PRKN: variants seen among roughly 807,000 people sequenced by gnomAD.
The protein encoded by PRKN is parkin RBR E3 ubiquitin protein ligase, also known as E3 ubiquitin-protein ligase parkin.
In PRKN, 56 loss-of-function variants were observed where a neutral mutation model predicts 59.5. The ratio of observed to expected loss-of-function variants is 0.94; its 90% CI spans 0.76 to 1.18. The LOEUF is 1.18. Ranked by LOEUF, PRKN falls within the 50% of genes most tolerant of loss-of-function variation. The pLI is 0.00. For missense variants in PRKN, 657 were observed against 596.4 expected, an observed-to-expected ratio of 1.10 and a Z score of -1.06; for synonymous variants, 250 against 222.1, an observed-to-expected ratio of 1.13 and a Z score of -1.12.
intron 10 of PRKN, among the ~76,000 whole-genome samples, chr6:161,384,851 G>C (rs1786157768): frequency 6.6e-6 from 1 of 152,164 alleles, no homozygotes. Flanking sequence ...GCATATTACT[G>C]TAATTACGAT....
chr6:162,711,470 A>C (rs940064537), intron 1 of PRKN, among the ~76,000 whole-genome samples: 1 of 151,408 alleles, frequency 6.6e-6, no homozygotes, highest in Non-Finnish European at 1.5e-5. Context: ...CTGGCCCTGA[A>C]CTATTCCGCT....
chr6:161,947,090 ATC>A (rs769515298), intron 6 of PRKN, among the ~76,000 whole-genome samples: 12 of 152,214 alleles, frequency 7.9e-5, no homozygotes, highest in Non-Finnish European at 1.2e-4. Context: ...GTGCTTATAC[ATC>A]TGTTTATGTG....
chr6:162,715,446 C>T (rs1438457495), intron 1 of PRKN, among the ~76,000 whole-genome samples: 1 of 152,188 alleles, frequency 6.6e-6, no homozygotes, highest in African/African-American at 2.4e-5. Context: ...CTGAAGTACA[C>T]AAACCTTTTG....
chr6:161,517,890 A>G (rs1234891160), intron 9 of PRKN, among the ~76,000 whole-genome samples: 3 of 152,148 alleles, frequency 2.0e-5, no homozygotes, highest in Admixed American at 2.0e-4. Context: ...CCATTTGGAA[A>G]AAGCTGGTGA....
At chr6:162,235,816 A>G (rs1324223574) in intron 3 of PRKN, among the ~76,000 whole-genome samples, 3 of 150,892 alleles carry the variant, frequency 2.0e-5, no homozygotes, top group Non-Finnish European at 2.9e-5. Context: ...GAAAGAAAGA[A>G]AGAAAGAGAG....
At chr6:161,967,110 G>A (rs772146134) in intron 6 of PRKN, among the ~76,000 whole-genome samples, 3 of 152,288 alleles carry the variant, frequency 2.0e-5, no homozygotes, top group Middle Eastern at 6.8e-3. Flanking sequence ...GATTACAGGC[G>A]TGAGCCACTG....
intron 5 of PRKN, among the ~76,000 whole-genome samples, chr6:161,979,739 C>T (rs1036323435): frequency 1.3e-5 from 2 of 152,114 alleles, no homozygotes; most frequent in East Asian, 1.9e-4. Flanking sequence ...TCCTCACTGT[C>T]GAAGCCTGAC....
chr6:162,074,404 C>T (rs1171039371), intron 4 of PRKN, among the ~76,000 whole-genome samples: 2 of 143,246 alleles, frequency 1.4e-5, no homozygotes, highest in Non-Finnish European at 3.0e-5. Flanking sequence ...ACCACATATT[C>T]TCACTCATAG....
chr6:161,513,001 A>G (rs1353064435), intron 9 of PRKN, among the ~76,000 whole-genome samples: 1 of 152,184 alleles, frequency 6.6e-6, no homozygotes, highest in African/African-American at 2.4e-5. Flanking sequence ...TGCCTCTCAG[A>G]GAAATGCCCA....
intron 1 of PRKN, among the ~76,000 whole-genome samples, chr6:162,677,395 T>G (rs1482469103): frequency 1.4e-5 from 2 of 147,888 alleles, no homozygotes; most frequent in Non-Finnish European, 3.0e-5. Flanking sequence ...AAGATTCACT[T>G]CCAGGTACTT....
chr6:161,557,473 C>G (rs1467436366), intron 8 of PRKN, among the ~76,000 whole-genome samples: 2 of 152,082 alleles, frequency 1.3e-5, no homozygotes, highest in Non-Finnish European at 2.9e-5. Context: ...GTGAACTTCC[C>G]CTTTCTTGCT....
chr6:162,332,876 T>C (rs1295419170), intron 2 of PRKN, among the ~76,000 whole-genome samples: 1 of 152,080 alleles, frequency 6.6e-6, no homozygotes, highest in African/African-American at 2.4e-5. Context: ...ATGAAGGCCA[T>C]TATGCCAAGG....
rs531868362 is a variant in PRKN at position 161,385,069 on chromosome 6, A to G, written c.1167+1725T>C. Among the ~76,000 whole-genome samples the G allele has an allele frequency of 6.6e-6, 1 of 152,232 alleles. No individual in the cohort carries two copies. The highest frequency in any genetic ancestry group is 6.5e-5 in the Admixed American group (1 of 15,290). ...CTCAGCCTCCTGAATAGCTGGGATTACAGGTGCACGCCACCACACCCAGCT... is the reference window on the plus strand; with the variant it reads ...CTCAGCCTCCTGAATAGCTGGGATTGCAGGTGCACGCCACCACACCCAGCT... On this transcript the variant is annotated intron_variant, in intron 10 of 11. Coordinates refer to ENST00000366898, the MANE Select transcript of PRKN (RefSeq NM_004562.3). The surrounding 1 kb of genome is among the most constrained non-coding windows in gnomAD (Gnocchi z 4.9).
rs73783416 is a variant in PRKN, at chr6:162,116,594, C to T, written c.535-62420G>A. ...GTACATTAGATCCTGTATACGTTTA[C>T]GCTGCACATTTAGATTGAGTGTGTA... On this transcript the variant is annotated intron_variant, in intron 4 of 11. Transcript: ENST00000366898. Among the ~76,000 whole-genome samples the T allele has an allele frequency of 5.5e-3, 839 of 152,262 alleles. 11 individuals carry two copies. Among genetic ancestry groups the T allele is most frequent in the African/African-American group, 0.019 (785 of 41,538 alleles).
Position 161,409,602 on chromosome 6 carries a change from A to G in PRKN, c.1084-22725T>C, listed in dbSNP as rs1475782618. 6.6e-6 allele frequency among the ~76,000 whole-genome samples: 1 copy of G among 152,184 alleles called. No homozygotes were observed. The highest frequency in any genetic ancestry group is 1.5e-5 in the Non-Finnish European group (1 of 68,042). ...GCCAGAATGTTCAGTGGAATCACAT[A>G]AGGCCGTCACTATAAAAATGAAAGC... On this transcript the variant is annotated intron_variant, in intron 9 of 11. Coordinates refer to ENST00000366898, the MANE Select transcript of PRKN (RefSeq NM_004562.3). The surrounding 1 kb of genome is among the most constrained non-coding windows in gnomAD (Gnocchi z 4.6).
In PRKN at chr6:162,468,402, T is replaced by C. The variant is rs542784439; in HGVS notation, c.8-24929A>G. On this transcript the variant is annotated intron_variant, in intron 1 of 11. Transcript: ENST00000366898. The stretch of plus-strand genomic sequence containing the variant: ...CTGAGAGAAAAATGAATTCATTTGA[T>C]TGACATTTACTCAGTGTCTGTCCAG... 5.3e-5 allele frequency among the ~76,000 whole-genome samples: 8 copies of C among 152,342 alleles called. No individual in the cohort carries two copies. The South Asian group carries it at 1.4e-3, about 28-fold the overall frequency.
chr6:162,385,905 T>A (rs997280847), intron 2 of PRKN, among the ~76,000 whole-genome samples: 2 of 152,102 alleles, frequency 1.3e-5, no homozygotes, highest in Non-Finnish European at 1.5e-5. Context: ...TTTCAAAAAG[T>A]AACTTCAAAT....
At chr6:161,871,094 A>C (rs1363726811) in intron 6 of PRKN, among the ~76,000 whole-genome samples, 1 of 151,962 alleles carries the variant, frequency 6.6e-6, no homozygotes, top group Non-Finnish European at 1.5e-5. Flanking sequence ...TAAGAATAAG[A>C]GGGAAAATAA....
At chr6:162,494,147 C>T (rs1186665280) in intron 1 of PRKN, among the ~76,000 whole-genome samples, 1 of 152,162 alleles carries the variant, frequency 6.6e-6, no homozygotes, top group Non-Finnish European at 1.5e-5. Context: ...TTGTGGTGCA[C>T]TATAAATAAG....
Sources: gnomAD v4.1 joint callset for allele counts (sites outside exome capture counted in the v4.1 genomes callset) on GRCh38, gnomAD v4.1.1 for gene constraint, Gnocchi (gnomAD v3.1) non-coding constraint, MANE v1.5 for transcripts, NCBI Gene and HGNC (gene_info 2026-07-23, HGNC 2026-07-21) for gene names.